Variants in EPHA6 observed in about 807,000 individuals in gnomAD.
EPHA6 encodes the protein EPH receptor A6.
A neutral mutation model predicts 112.0 loss-of-function variants in EPHA6; 50 were observed. The observed-to-expected ratio is 0.45, with a 90% confidence interval of 0.36 to 0.56. EPHA6 has a LOEUF of 0.56. EPHA6 is among the 20% of genes least tolerant of loss of function. The pLI, the probability that EPHA6 is intolerant of heterozygous loss-of-function variation, is 0.00. For missense variants in EPHA6, 1,280 were observed against 1,417.4 expected, an observed-to-expected ratio of 0.90 and a Z score of 1.56; for synonymous variants, 529 against 490.7, an observed-to-expected ratio of 1.08 and a Z score of -1.03.
intron 14 of EPHA6, among the ~76,000 whole-genome samples, chr3:97,659,574 C>A (rs2094157175): frequency 6.6e-6 from 1 of 151,824 alleles, no homozygotes; most frequent in South Asian, 2.1e-4. Context: ...GGGGAAAAAA[C>A]AGAGAGATAC....
In EPHA6 at chr3:97,736,201, G is replaced by GA. The variant is rs560672571; in HGVS notation, c.3128+90dup. 109 of 1,108,126 alleles carry GA rather than the reference G, an allele frequency of 9.8e-5. 1 individual carries two copies. The highest frequency in any genetic ancestry group is 1.3e-4 in the Non-Finnish European group (102 of 805,274). 68.6% of individuals were successfully genotyped at this position (1,108,126 alleles called of 1,614,324 possible). A position where few individuals can be genotyped will look rare whatever the true frequency, so the allele number is the denominator to read the frequency against. ...ATAGATAATAATAACAGGTAGAAAG[G>GA]AAAAAAATGCCTTGATAACCATCTA... On this transcript the variant is annotated intron_variant, in intron 16 of 17. Transcript: ENST00000389672.
chr3:97,519,334 TATTCTGTTCC>T (rs1271732776), intron 10 of EPHA6, among the ~76,000 whole-genome samples: 1 of 152,214 alleles, frequency 6.6e-6, no homozygotes, highest in African/African-American at 2.4e-5. Flanking sequence ...CTGCATTCTC[TATTCTGTTCC>T]ATTGGTCTGT....
chr3:97,029,847 A>T (rs1576352377), intron 3 of EPHA6, among the ~76,000 whole-genome samples: 1 of 152,150 alleles, frequency 6.6e-6, no homozygotes, highest in Non-Finnish European at 1.5e-5. Context: ...AAATAAAATG[A>T]AACCCAAAAA....
At chr3:97,542,341 G>A (rs140272035) in intron 11 of EPHA6, among the ~76,000 whole-genome samples, 130 of 152,118 alleles carry the variant, frequency 8.5e-4, no homozygotes, top group African/African-American at 2.2e-3. Context: ...GAGAGCATGC[G>A]GTGTTTGGTT....
chr3:97,198,637 G>A (rs562268448), intron 3 of EPHA6, among the ~76,000 whole-genome samples: 1 of 152,082 alleles, frequency 6.6e-6, no homozygotes, highest in African/African-American at 2.4e-5. Context: ...TTTTCTTTGG[G>A]AACTAAAACC....
intron 3 of EPHA6, among the ~76,000 whole-genome samples, chr3:97,092,578 CTAT>C (rs1198213054): frequency 6.6e-6 from 1 of 151,942 alleles, no homozygotes. Flanking sequence ...CTCAGCAGGT[CTAT>C]TATTATTATC....
intron 3 of EPHA6, among the ~76,000 whole-genome samples, chr3:97,143,150 A>G (rs964443026): frequency 6.6e-6 from 1 of 151,684 alleles, no homozygotes; most frequent in African/African-American, 2.4e-5. Flanking sequence ...CAATAACACA[A>G]TCTCATTAAC....
chr3:97,554,891 CAG>C (rs1560132373), intron 11 of EPHA6, among the ~76,000 whole-genome samples: 1 of 151,676 alleles, frequency 6.6e-6, no homozygotes, highest in Admixed American at 6.6e-5. Context: ...TGCCCAATTC[CAG>C]AGATAACAAA....
intron 3 of EPHA6, among the ~76,000 whole-genome samples, chr3:97,126,407 A>G (rs1305025185): frequency 6.6e-6 from 1 of 152,188 alleles, no homozygotes; most frequent in Non-Finnish European, 1.5e-5. Flanking sequence ...TCTGAACAGC[A>G]GTTTCAATCC....
chr3:97,358,140 T>C (rs1032184493), intron 5 of EPHA6, among the ~76,000 whole-genome samples: 2 of 152,220 alleles, frequency 1.3e-5, no homozygotes, highest in African/African-American at 4.8e-5. Flanking sequence ...CTATTTTCCC[T>C]ATAGTAGTTT....
intron 5 of EPHA6, among the ~76,000 whole-genome samples, chr3:97,364,483 C>T (rs2084595821): frequency 6.6e-6 from 1 of 151,640 alleles, no homozygotes; most frequent in South Asian, 2.1e-4. Flanking sequence ...TTATGTAACA[C>T]AGTTCCTTAG....
At chr3:97,363,190 AT>A (rs2084480387) in intron 5 of EPHA6, among the ~76,000 whole-genome samples, 1 of 15,360 alleles carries the variant, frequency 6.5e-5, no homozygotes, top group Admixed American at 4.5e-4. Flanking sequence ...ATATATATAT[AT>A]ATATATATAT....
At chr3:97,676,195 A>G (rs2031358725) in intron 14 of EPHA6, among the ~76,000 whole-genome samples, 1 of 152,114 alleles carries the variant, frequency 6.6e-6, no homozygotes, top group Admixed American at 6.6e-5. Context: ...TATTGCCAAG[A>G]GAATGAGGAG....
In EPHA6 at chr3:96,946,156, C is replaced by T. The variant is rs547548559; in HGVS notation, c.451-41174C>T. 5.3e-5 allele frequency among the ~76,000 whole-genome samples: 8 copies of T among 152,038 alleles called. No homozygotes were observed. The East Asian group carries it at 9.7e-4, about 18-fold the overall frequency. ...TTTAAGTTTCTTCCATGTCTTTTCC[C>T]TATATGATAGCTCATTTCTTTTTTT... On this transcript the variant is annotated intron_variant, in intron 2 of 17. Transcript: ENST00000389672.
intron 2 of EPHA6, among the ~76,000 whole-genome samples, chr3:96,872,706 T>C (rs1199311400): frequency 1.3e-5 from 2 of 152,130 alleles, no homozygotes; most frequent in African/African-American, 2.4e-5. Flanking sequence ...GTAATTCTTA[T>C]CCTTGCTCCT....
At chr3:96,887,486 G>A (rs1575929165) in intron 2 of EPHA6, among the ~76,000 whole-genome samples, 1 of 152,156 alleles carries the variant, frequency 6.6e-6, no homozygotes, top group Admixed American at 6.5e-5. Flanking sequence ...TCCAGTGGAG[G>A]TGGCCAGGGA....
chr3:97,496,065 G>A (rs1156659674), intron 10 of EPHA6, among the ~76,000 whole-genome samples: 1 of 152,204 alleles, frequency 6.6e-6, no homozygotes, highest in African/African-American at 2.4e-5. Context: ...AGCGAGGCAG[G>A]CAATTATGAT....
At chr3:97,343,663 G>C (rs754059017) in intron 5 of EPHA6, among the ~76,000 whole-genome samples, 1 of 152,062 alleles carries the variant, frequency 6.6e-6, no homozygotes, top group African/African-American at 2.4e-5. Context: ...CTACCAGATG[G>C]GACTAAAGGA....
intron 5 of EPHA6, among the ~76,000 whole-genome samples, chr3:97,379,878 A>T (rs910367963): frequency 2.0e-5 from 3 of 152,076 alleles, no homozygotes; most frequent in Admixed American, 2.0e-4. Context: ...AATTACAGAC[A>T]TCAGAAAAAT....
Sources: gnomAD v4.1 joint callset for allele counts (sites outside exome capture counted in the v4.1 genomes callset) on GRCh38, gnomAD v4.1.1 for gene constraint, MANE v1.5 for transcripts, NCBI Gene and HGNC (gene_info 2026-07-23, HGNC 2026-07-21) for gene names.